SUPT3H: variants seen among roughly 807,000 people sequenced by gnomAD.
SUPT3H encodes transcription initiation protein SPT3 homolog.
SUPT3H carries 44 observed loss-of-function variants against 44.3 expected under a neutral mutation model. The ratio of observed to expected loss-of-function variants is 0.99; its 90% CI spans 0.78 to 1.28. The LOEUF (loss-of-function observed/expected upper bound fraction) is 1.28. SUPT3H is among the 50% of genes most tolerant of loss of function. The pLI is 0.00. For synonymous variants in SUPT3H, 124 were observed against 125.6 expected (o/e 0.99, Z 0.09); for missense variants, 380 against 387.1 (o/e 0.98, Z 0.15).
chr6:45,166,893 T>C (rs1809972639), intron 2 of SUPT3H, among the ~76,000 whole-genome samples: 1 of 152,186 alleles, frequency 6.6e-6, no homozygotes, highest in Non-Finnish European at 1.5e-5. Flanking sequence ...GACGAAGATA[T>C]GAGTAACTAG....
At chr6:45,243,204 A>AAAG (rs1770712737) in intron 2 of SUPT3H, among the ~76,000 whole-genome samples, 1 of 95,396 alleles carries the variant, frequency 1.0e-5, no homozygotes, top group African/African-American at 2.8e-5. Context: ...TCTCAAAAAA[A>AAAG]AAAAAAAAAA....
intron 3 of SUPT3H, among the ~76,000 whole-genome samples, chr6:45,102,663 C>T (rs9472439): frequency 1.1e-3 from 162 of 152,094 alleles, no homozygotes; most frequent in African/African-American, 3.7e-3. Flanking sequence ...AGATGTTGAC[C>T]GGGTGTGGTG....
At chr6:44,989,087 G>A (rs551120091) in intron 6 of SUPT3H, among the ~76,000 whole-genome samples, 6 of 152,202 alleles carry the variant, frequency 3.9e-5, no homozygotes, top group African/African-American at 1.4e-4. Context: ...TGGATGGAAT[G>A]ATTTATAATA....
intron 10 of SUPT3H, among the ~76,000 whole-genome samples, chr6:44,928,348 A>C (rs1344552291): frequency 6.6e-6 from 1 of 152,098 alleles, no homozygotes; most frequent in African/African-American, 2.4e-5. Context: ...AACAAACAAG[A>C]AGCAAAAAAG....
At chr6:44,913,568 T>C (rs1291759507) in intron 10 of SUPT3H, among the ~76,000 whole-genome samples, 2 of 152,158 alleles carry the variant, frequency 1.3e-5, no homozygotes, top group Non-Finnish European at 2.9e-5. Flanking sequence ...GAAGAGAACA[T>C]AACTTCCAAA....
intron 3 of SUPT3H, among the ~76,000 whole-genome samples, chr6:45,064,376 C>T (rs966594787): frequency 1.4e-5 from 2 of 145,682 alleles, no homozygotes; most frequent in African/African-American, 2.6e-5. Flanking sequence ...TAAAGACCAT[C>T]GAGACTAGGA....
intron 3 of SUPT3H, among the ~76,000 whole-genome samples, chr6:45,079,615 G>T (rs570083592): frequency 6.6e-6 from 1 of 152,246 alleles, no homozygotes; most frequent in East Asian, 1.9e-4. Context: ...CAGAACAGTG[G>T]AACAGAAAAG....
intron 10 of SUPT3H, among the ~76,000 whole-genome samples, chr6:44,891,223 A>G (rs1408999990): frequency 6.6e-6 from 1 of 152,190 alleles, no homozygotes; most frequent in African/African-American, 2.4e-5. Context: ...GTTCTTCAGA[A>G]AGTTAAACAT....
chr6:45,278,539 T>G (rs1337105881), intron 2 of SUPT3H, among the ~76,000 whole-genome samples: 4 of 152,200 alleles, frequency 2.6e-5, no homozygotes, highest in Admixed American at 1.3e-4. Flanking sequence ...GCAAATGACT[T>G]CATCTTCTTT....
intron 2 of SUPT3H, among the ~76,000 whole-genome samples, chr6:45,246,611 A>G (rs1200716721): frequency 6.6e-6 from 1 of 152,218 alleles, no homozygotes; most frequent in Non-Finnish European, 1.5e-5. Context: ...ATAGGAAAAT[A>G]AGACGCTATT....
At chr6:45,065,422 C>G (rs1793089791) in intron 3 of SUPT3H, among the ~76,000 whole-genome samples, 1 of 144,660 alleles carries the variant, frequency 6.9e-6, no homozygotes, top group Non-Finnish European at 1.5e-5. Context: ...AGAGCAAACA[C>G]ATTCAAAAGC....
intron 3 of SUPT3H, among the ~76,000 whole-genome samples, chr6:45,024,309 A>G (rs1416197726): frequency 6.6e-6 from 1 of 152,164 alleles, no homozygotes; most frequent in Non-Finnish European, 1.5e-5. Context: ...TCTCAATTTC[A>G]CATTGCTATC....
At chr6:44,883,637 A>G (rs1466227956) in intron 10 of SUPT3H, among the ~76,000 whole-genome samples, 4 of 152,222 alleles carry the variant, frequency 2.6e-5, no homozygotes, top group African/African-American at 9.6e-5. Flanking sequence ...AGGCTACAGT[A>G]ACCAAAAAGC....
At chr6:44,872,352 T>C (rs898115535) in intron 10 of SUPT3H, among the ~76,000 whole-genome samples, 2 of 89,530 alleles carry the variant, frequency 2.2e-5, no homozygotes, top group Admixed American at 2.6e-4. Flanking sequence ...TTCAACATTC[T>C]TAAAGAAAAG....
At chr6:45,036,318 A>G (rs1158486205) in intron 3 of SUPT3H, among the ~76,000 whole-genome samples, 1 of 152,132 alleles carries the variant, frequency 6.6e-6, no homozygotes, top group Non-Finnish European at 1.5e-5. Flanking sequence ...AAAGGTTCTG[A>G]GGCAAGACTT....
intron 2 of SUPT3H, among the ~76,000 whole-genome samples, chr6:45,314,973 A>T (rs968149100): frequency 1.3e-5 from 2 of 152,202 alleles, no homozygotes; most frequent in African/African-American, 4.8e-5. Context: ...GAGAACTCAG[A>T]AATAAATCCA....
chr6:45,277,404 T>C (rs1777199597), intron 2 of SUPT3H, among the ~76,000 whole-genome samples: 1 of 152,166 alleles, frequency 6.6e-6, no homozygotes, highest in Non-Finnish European at 1.5e-5. Context: ...TTATATGGAA[T>C]ATATCCCAGA....
intron 10 of SUPT3H, among the ~76,000 whole-genome samples, chr6:44,929,311 T>G (rs573988741): frequency 1.3e-5 from 2 of 152,194 alleles, no homozygotes; most frequent in African/African-American, 4.8e-5. Flanking sequence ...AGCAGATTTT[T>G]AAATATAGTA....
At chr6:45,358,022 C>A (rs568186608) in intron 2 of SUPT3H, among the ~76,000 whole-genome samples, 1 of 152,004 alleles carries the variant, frequency 6.6e-6, no homozygotes, top group Admixed American at 6.5e-5. Flanking sequence ...ATCTGACTTG[C>A]CAAAGTAGCC....
Sources: gnomAD v4.1 joint callset for allele counts (sites outside exome capture counted in the v4.1 genomes callset) on GRCh38, gnomAD v4.1.1 for gene constraint, MANE v1.5 for transcripts, NCBI Gene and HGNC (gene_info 2026-07-23, HGNC 2026-07-21) for gene names.